Variants in TUBGCP5 observed in about 807,000 individuals in gnomAD.
The protein encoded by TUBGCP5 is tubulin gamma complex component 5.
In TUBGCP5, 98 loss-of-function variants were observed where a neutral mutation model predicts 134.7. That is an observed-to-expected ratio of 0.73 (90% CI 0.62 to 0.86). The LOEUF (loss-of-function observed/expected upper bound fraction) is 0.86. Ranked by LOEUF, TUBGCP5 falls within the 40% of genes least tolerant of loss-of-function variation. The pLI, the probability that TUBGCP5 is intolerant of heterozygous loss-of-function variation, is 0.00. For synonymous variants in TUBGCP5, 456 were observed against 431.4 expected (o/e 1.06, Z -0.71); for missense variants, 1,150 against 1,244.8 (o/e 0.92, Z 1.15).
At chr15:23,031,093 GAAAACTTTGAAGAAAAGCA>G in intron 5 of TUBGCP5, 73 bp from the exon 6 acceptor site, 2 of 1,394,560 alleles carry the variant, frequency 1.4e-6, no homozygotes, top group Non-Finnish European at 1.9e-6. Flanking sequence ...AAAAGACTAA[GAAAACTTTGAAGAAAAGCA>G]AAAACTTTGA....
chr15:22,999,612 G>A lies in TUBGCP5; in HGVS notation c.*208C>T. 3.5e-6 allele frequency: 2 copies of A among 570,298 alleles called. No individual in the cohort carries two copies. The highest frequency in any genetic ancestry group is 2.1e-5 in the South Asian group (1 of 46,976). 35.3% of individuals were successfully genotyped at this position (570,298 alleles called of 1,614,324 possible). On this transcript the variant is annotated 3_prime_UTR_variant, in exon 23 of 23. Transcript: ENST00000615383. ...CACCGGGTTTCACCATGTTGCCCAG[G>A]CTGGCCTCAAACTCCTGGGCTCAAG...
chr15:22,998,957 C>T (rs1236711937), downstream of TUBGCP5, among the ~76,000 whole-genome samples: 1 of 152,056 alleles, frequency 6.6e-6, no homozygotes, highest in Non-Finnish European at 1.5e-5. Flanking sequence ...GATGGGGTCT[C>T]ATATGTTGCC....
intron 11 of TUBGCP5, 150 bp downstream of exon 11, chr15:23,021,809 C>G (rs2065713212): frequency 2.3e-6 from 2 of 864,846 alleles, no homozygotes; most frequent in Admixed American, 5.3e-5. Flanking sequence ...AGCCAGTTTC[C>G]TACAGCCTTA....
In TUBGCP5 at chr15:23,001,067, G is replaced by C. The variant is rs2064343130; in HGVS notation, c.2928-398C>G. Among the ~76,000 whole-genome samples the C allele has an allele frequency of 3.9e-5, 6 of 152,088 alleles. No homozygotes were observed. In the South Asian group the frequency reaches 1.2e-3, roughly 32 times the overall value. The stretch of plus-strand genomic sequence containing the variant: ...AAAGGTTTTTTTTCTTTTTGAGATG[G>C]AGTCTTGCTCTGTCGCCCATGCTGG... On this transcript the variant is annotated intron_variant, in intron 21 of 22. Transcript: ENST00000615383.
At chr15:23,005,319 C>G (rs2064637223) in intron 19 of TUBGCP5, 113 bp downstream of exon 19, 1 of 1,257,312 alleles carries the variant, frequency 8.0e-7, no homozygotes, top group African/African-American at 1.5e-5. Context: ...GCTACATGTC[C>G]CGTTTTCACA....
exon 24 of TUBGCP5, chr15:22,983,415 T>C (rs939447739): frequency 1.3e-5 from 2 of 152,196 alleles, no homozygotes; most frequent in Non-Finnish European, 2.9e-5. Flanking sequence ...CTGTATAGAC[T>C]ATATATTTTT....
chr15:23,024,948 C>T, intron 8 of TUBGCP5, 118 bp from the exon 9 acceptor site: 2 of 642,522 alleles, frequency 3.1e-6, no homozygotes, highest in Non-Finnish European at 5.6e-6. Flanking sequence ...CCCACCCAGG[C>T]TGGAGTGCAG....
intron 10 of TUBGCP5, 157 bp downstream of exon 10, chr15:23,023,790 G>C (rs958136934): frequency 4.4e-6 from 3 of 676,310 alleles, no homozygotes; most frequent in Non-Finnish European, 6.7e-6. Flanking sequence ...AGATATGAAT[G>C]GCTTAAAAAT....
At chr15:23,034,721 G>C (rs1416495852) in intron 3 of TUBGCP5, among the ~76,000 whole-genome samples, 1 of 151,900 alleles carries the variant, frequency 6.6e-6, no homozygotes, top group African/African-American at 2.4e-5. Context: ...TAGCCGGGCG[G>C]GGTGGTGTAC....
intron 15 of TUBGCP5, 80 bp from the exon 16 acceptor site, chr15:23,008,961 A>G (rs1407799455): frequency 8.2e-7 from 1 of 1,225,988 alleles, no homozygotes; most frequent in Non-Finnish European, 1.1e-6. Flanking sequence ...AGGTTTTGTA[A>G]CCTGTTTTTA....
intron 22 of TUBGCP5, 144 bp from the exon 23 acceptor site, chr15:23,000,010 A>C (rs2064279165): frequency 1.7e-5 from 13 of 755,452 alleles, no homozygotes; most frequent in Non-Finnish European, 2.8e-5. Flanking sequence ...TCCCGGGTTC[A>C]AGCAATTTTC....
At chr15:23,033,531 C>T (rs1436319477) in intron 3 of TUBGCP5, among the ~76,000 whole-genome samples, 2 of 152,312 alleles carry the variant, frequency 1.3e-5, no homozygotes, top group East Asian at 3.9e-4. Context: ...CCCACCTTGG[C>T]CTCCCAAAGT....
At chr15:23,033,403 C>T (rs940851303) in intron 3 of TUBGCP5, among the ~76,000 whole-genome samples, 7 of 152,038 alleles carry the variant, frequency 4.6e-5, no homozygotes, top group East Asian at 1.9e-4. Context: ...CTCAGCCTCC[C>T]GAGTAGCTGG....
In TUBGCP5 at chr15:23,003,775, C is replaced by T; in HGVS notation, c.2838+327G>A. 2.0e-5 allele frequency among the ~76,000 whole-genome samples: 3 copies of T among 151,956 alleles called. 1 individual carries two copies. The Middle Eastern group carries it at 0.01, about 517-fold the overall frequency. On this transcript the variant is annotated intron_variant, in intron 20 of 22. Transcript: ENST00000615383. ...TCAAACAATGCTCCCACCTCAGCCTCCCAAGTAGCTGGGCCTCCAGGTATG... is the reference window on the plus strand; with the variant it reads ...TCAAACAATGCTCCCACCTCAGCCTTCCAAGTAGCTGGGCCTCCAGGTATG...
chr15:23,017,633 C>A (rs1048774369), intron 13 of TUBGCP5, 140 bp downstream of exon 13: 1 of 814,326 alleles, frequency 1.2e-6, no homozygotes, highest in Non-Finnish European at 1.8e-6. Context: ...GTTACTAATT[C>A]AACCATGACG....
chr15:23,039,502 C>G lies in TUBGCP5; in HGVS notation c.42G>C (p.Gln14His), dbSNP rs1193737981. ...HGPPWSRLDA[Q>H]QERDVRELVR... Reference sequence around the variant, plus strand: ...CGAGCTCCCGCACGTCGCGCTCCTGCTGCGCGTCCAACCGACTCCACGGTG... The same window carrying G: ...CGAGCTCCCGCACGTCGCGCTCCTGGTGCGCGTCCAACCGACTCCACGGTG... The change falls in exon 1 of 23, where the codon CAG (glutamine) becomes CAC (histidine). Residue 14 changes from glutamine to histidine, a missense_variant. By Grantham distance (24) the Gln-to-His change is conservative. Transcript: ENST00000615383. 6.6e-7 allele frequency: 1 copy of G among 1,511,262 alleles called. No homozygotes were observed. 93.6% of individuals were successfully genotyped at this position (1,511,262 alleles called of 1,614,324 possible).
chr15:22,993,702 G>A (rs1261775211), intron 23 of TUBGCP5, among the ~76,000 whole-genome samples: 1 of 151,580 alleles, frequency 6.6e-6, no homozygotes, highest in Non-Finnish European at 1.5e-5. Context: ...GCACCACCAT[G>A]CCCAGCTAGT....
intron 23 of TUBGCP5, among the ~76,000 whole-genome samples, chr15:22,985,322 G>A (rs1373211127): frequency 6.6e-5 from 10 of 152,066 alleles, no homozygotes; most frequent in Non-Finnish European, 2.9e-5. Flanking sequence ...GAGTTAAAGC[G>A]ATTGTCCTGC....
At chr15:23,004,430 TCC>T in intron 19 of TUBGCP5, 1 of 563,174 alleles carries the variant, frequency 1.8e-6, no homozygotes, top group African/African-American at 2.0e-5. Flanking sequence ...GCGGGGGCAA[TCC>T]TGTAGGACGC....
Sources: allele counts gnomAD v4.1 joint callset (sites outside exome capture counted in the v4.1 genomes callset), GRCh38; gene constraint gnomAD v4.1.1; transcripts MANE v1.5; gene names NCBI Gene and HGNC (gene_info 2026-07-23, HGNC 2026-07-21).